Variants in ZNF100 observed in about 807,000 individuals in gnomAD.
ZNF100 encodes zinc finger protein 100.
ZNF100 carries 12 observed loss-of-function variants against 15.8 expected under a neutral mutation model. That is an observed-to-expected ratio of 0.76 (90% CI 0.49 to 1.23). The LOEUF (loss-of-function observed/expected upper bound fraction) is 1.23, where lower values mean the gene tolerates loss of function less well. Ranked by LOEUF, ZNF100 falls within the 50% of genes most tolerant of loss-of-function variation. The pLI, the probability that ZNF100 is intolerant of heterozygous loss-of-function variation, is 0.00. For missense variants in ZNF100, 670 were observed against 635.6 expected (o/e 1.05, Z -0.58); for synonymous variants, 226 against 214.8 (o/e 1.05, Z -0.45).
At chr19:21,738,388 G>A (rs1362135154) in intron 4 of ZNF100, among the ~76,000 whole-genome samples, 1 of 150,998 alleles carries the variant, frequency 6.6e-6, no homozygotes, top group Non-Finnish European at 1.5e-5. Flanking sequence ...AAAGCTGGAG[G>A]CATCATGCTA....
At chr19:21,734,504 G>GA (rs2035975037) in intron 4 of ZNF100, among the ~76,000 whole-genome samples, 1 of 151,572 alleles carries the variant, frequency 6.6e-6, no homozygotes, top group Non-Finnish European at 1.5e-5. Flanking sequence ...AGATAAGATT[G>GA]AAAAAATAAA....
intron 2 of ZNF100, 43 bp from the exon 3 acceptor site, chr19:21,745,110 G>C: frequency 6.4e-7 from 1 of 1,564,232 alleles, no homozygotes; most frequent in South Asian, 1.2e-5. Flanking sequence ...TTTACCAAGT[G>C]GCCATGGGCA....
Position 21,726,920 on chromosome 19 carries a change from T to G in ZNF100, c.1392A>C (p.Lys464Asn). 6.2e-7 allele frequency: 1 copy of G among 1,611,272 alleles called. No homozygotes were observed. The highest frequency in any genetic ancestry group is 8.5e-7 in the Non-Finnish European group (1 of 1,179,122). The stretch of plus-strand genomic sequence containing the variant: ...TTAGTTGTGAGGACCGGTTAAAGGC[T>G]TTGCCACATTCGTCACATTTGTAGG... ...EKPYKCDECG[K>N]AFNRSSQLTA... Residue 464 changes from lysine to asparagine, a missense_variant, in exon 5 of 5, where the codon AAA (lysine) becomes AAC (asparagine). Transcript: ENST00000358296.
At chr19:21,763,538 C>G (rs1426706285) in intron 2 of ZNF100, among the ~76,000 whole-genome samples, 2 of 152,044 alleles carry the variant, frequency 1.3e-5, no homozygotes, top group Non-Finnish European at 2.9e-5. Flanking sequence ...TGCAGTGAGC[C>G]GAGATTGCAC....
intron 2 of ZNF100, among the ~76,000 whole-genome samples, chr19:21,762,662 T>A (rs2036500106): frequency 6.6e-6 from 1 of 152,186 alleles, no homozygotes; most frequent in Non-Finnish European, 1.5e-5. Context: ...TTGATCTTCG[T>A]CCCACTACAA....
At chr19:21,740,020 A>G (rs1030014525) in intron 4 of ZNF100, among the ~76,000 whole-genome samples, 3 of 152,214 alleles carry the variant, frequency 2.0e-5, no homozygotes, top group Non-Finnish European at 4.4e-5. Flanking sequence ...ATTGTGAACT[A>G]TAACTAACCA....
intron 2 of ZNF100, among the ~76,000 whole-genome samples, chr19:21,747,272 T>G (rs1484443624): frequency 2.0e-5 from 3 of 152,184 alleles, no homozygotes; most frequent in Non-Finnish European, 4.4e-5. Context: ...GGCCTCACCT[T>G]AGAGTCACAT....
chr19:21,731,940 T>C lies in ZNF100; in HGVS notation c.323-3951A>G, dbSNP rs1441460587. Reference sequence around the variant, plus strand: ...ACATTATCAATATAATTAAGAGGAATAAACAGAATATTAAAAAATATTTGA... The same window carrying C: ...ACATTATCAATATAATTAAGAGGAACAAACAGAATATTAAAAAATATTTGA... On this transcript the variant is annotated intron_variant, in intron 4 of 4. Coordinates refer to ENST00000358296, the MANE Select transcript of ZNF100 (RefSeq NM_173531.4). Among the ~76,000 whole-genome samples the C allele has an allele frequency of 6.6e-5, 10 of 152,176 alleles. No individual in the cohort carries two copies. In the East Asian group the frequency reaches 1.7e-3, roughly 26 times the overall value.
intron 2 of ZNF100, among the ~76,000 whole-genome samples, chr19:21,759,333 A>G (rs2036442241): frequency 6.6e-6 from 1 of 152,234 alleles, no homozygotes; most frequent in South Asian, 2.1e-4. Flanking sequence ...GATGAAACAT[A>G]TAGATAACCC....
At chr19:21,745,410 GA>G (rs2036194499) in intron 2 of ZNF100, among the ~76,000 whole-genome samples, 1 of 152,068 alleles carries the variant, frequency 6.6e-6, no homozygotes, top group African/African-American at 2.4e-5. Flanking sequence ...AAGAGATGTT[GA>G]GTTAGAAGGC....
rs550494090 is a variant in ZNF100 at position 21,734,812 on chromosome 19, G to A, written c.323-6823C>T. On this transcript the variant is annotated intron_variant, in intron 4 of 4. Coordinates refer to ENST00000358296, the MANE Select transcript of ZNF100 (RefSeq NM_173531.4). ...AAATGATAAGGACAGCCAACCGGAA[G>A]GCCAGGTCACCCAGAAAGGGAAGCC... is the stretch of plus-strand genomic sequence containing the variant. 2.6e-5 allele frequency among the ~76,000 whole-genome samples: 4 copies of A among 152,208 alleles called. No individual in the cohort carries two copies. The East Asian group carries it at 7.7e-4, about 29-fold the overall frequency.
intron 2 of ZNF100, among the ~76,000 whole-genome samples, chr19:21,763,880 TCCTCCTGTTCTAATACTTTTTTGGAATTC>T: frequency 1.3e-5 from 2 of 152,310 alleles, no homozygotes; most frequent in South Asian, 4.1e-4. Flanking sequence ...TAGTTGGTAT[TCCTCCTGTTCTAATACTTTTTTGGAATTC>T]AAATTTTTTA....
At chr19:21,743,685 CTG>C (rs1270038501) in intron 4 of ZNF100, among the ~76,000 whole-genome samples, 2 of 151,916 alleles carry the variant, frequency 1.3e-5, no homozygotes, top group Non-Finnish European at 2.9e-5. Flanking sequence ...ATGCAGATAT[CTG>C]TGTGTCCCCC....
At position 21,767,566 on chromosome 19, in the gene ZNF100, CGA is replaced by C; in HGVS notation, c.-139_-138del. On this transcript the variant is annotated 5_prime_UTR_variant, in exon 1 of 5. Transcript: ENST00000358296. ...GCAAAACCTGGAGCTCCGGCTACAG[CGA>C]GAGACAAAGACCCCGCCAAACCCGG... 1.4e-6 allele frequency: 2 copies of C among 1,380,980 alleles called. No homozygotes were observed. Among genetic ancestry groups the C allele is most frequent in the Non-Finnish European group, 9.9e-7 (1 of 1,009,168 alleles). 85.5% of individuals were successfully genotyped at this position (1,380,980 alleles called of 1,614,324 possible). A position where few individuals can be genotyped will look rare whatever the true frequency, so the allele number is the denominator to read the frequency against.
Position 21,727,485 on chromosome 19 carries a change from A to C in ZNF100, c.827T>G (p.Leu276Arg). ...AGTATGAATTATCTTATGTGTAGTA[A>C]GGTGTGAGGACCGGTTAAATGCTTT... ...CGKAFNRSSH[L>R]TTHKIIHTGE... Residue 276 changes from leucine to arginine, a missense_variant, in exon 5 of 5, where the codon CTT (leucine) becomes CGT (arginine). Leu to Arg is a moderately radical substitution (Grantham distance 102). Transcript: ENST00000358296. 6.2e-7 allele frequency: 1 copy of C among 1,613,556 alleles called. No homozygotes were observed.
intron 3 of ZNF100, 110 bp downstream of exon 3, chr19:21,744,831 A>T (rs2036182390): frequency 1.3e-6 from 2 of 1,526,972 alleles, no homozygotes; most frequent in Admixed American, 2.2e-5. Context: ...TTTCTTGAAA[A>T]AACGGATCAG....
intron 4 of ZNF100, among the ~76,000 whole-genome samples, chr19:21,735,210 T>C (rs35578209): frequency 8.1e-4 from 124 of 152,242 alleles, no homozygotes; most frequent in Non-Finnish European, 1.6e-3. Flanking sequence ...ATATTAACCT[T>C]AAATTTAAAT....
chr19:21,767,394 C>T (rs1191346684), intron 1 of ZNF100, 33 bp downstream of exon 1: 3 of 1,613,914 alleles, frequency 1.9e-6, no homozygotes, highest in African/African-American at 1.3e-5. Context: ...GCCCTTTCGC[C>T]GTCTCTCGGG....
intron 3 of ZNF100, 125 bp from the exon 4 acceptor site, chr19:21,744,240 G>T: frequency 1.1e-6 from 1 of 881,498 alleles, no homozygotes; most frequent in Non-Finnish European, 1.5e-6. Context: ...TAATTAATGA[G>T]AGAAATTTCT....
Sources: gnomAD v4.1 joint callset for allele counts (sites outside exome capture counted in the v4.1 genomes callset) on GRCh38, gnomAD v4.1.1 for gene constraint, MANE v1.5 for transcripts, NCBI Gene and HGNC (gene_info 2026-07-23, HGNC 2026-07-21) for gene names.